The following PCNX2 variants were observed in gnomAD, a reference collection of about 807,000 sequenced individuals.
PCNX2 encodes the protein pecanex-like protein 2.
PCNX2 carries 168 observed loss-of-function variants against 223.8 expected under a neutral mutation model. That is an observed-to-expected ratio of 0.75 (90% CI 0.66 to 0.85). The LOEUF (loss-of-function observed/expected upper bound fraction) is 0.85, where lower values mean the gene tolerates loss of function less well. Among genes scored for constraint, PCNX2 ranks in the 40% least tolerant of loss-of-function variants. The probability of loss-of-function intolerance (pLI) is 0.00; values close to 1 mark genes in which losing one functional copy is unlikely to be tolerated. For missense variants in PCNX2, 2,507 were observed against 2,675.5 expected (o/e 0.94, Z 1.39); for synonymous variants, 1,006 against 1,052.6 (o/e 0.96, Z 0.86).
intron 32 of PCNX2, among the ~76,000 whole-genome samples, chr1:232,996,028 TTTG>T (rs1282899926): frequency 6.6e-6 from 1 of 152,000 alleles, no homozygotes; most frequent in Admixed American, 6.5e-5. Context: ...TGGCTAATTT[TTTG>T]TTGTATTTTT....
intron 8 of PCNX2, chr1:233,241,312 T>G: frequency 1.0e-6 from 1 of 985,408 alleles, no homozygotes; most frequent in Non-Finnish European, 1.2e-6. Context: ...AGAACCACAC[T>G]GAGCGGCAGG....
At chr1:233,122,073 T>TAA (rs1380060097) in intron 21 of PCNX2, among the ~76,000 whole-genome samples, 2 of 131,406 alleles carry the variant, frequency 1.5e-5, no homozygotes, top group African/African-American at 5.6e-5. Flanking sequence ...AGTTAGAAAG[T>TAA]ACACACACAC....
chr1:233,314,213 A>T, the PCNX2 span, among the ~76,000 whole-genome samples: 1 of 152,240 alleles, frequency 6.6e-6, no homozygotes, highest in Admixed American at 6.5e-5. Context: ...CTTTAAATTT[A>T]TATGATACAT....
At position 233,097,905 on chromosome 1, in the gene PCNX2, T is replaced by C. The variant is rs539376479; in HGVS notation, c.3838-2042A>G. ...CACATCAAGTGCCCAAGAGAAGACATGACTTCTGGGTTACCAACCAGGGCA... is the reference window on the plus strand; with the variant it reads ...CACATCAAGTGCCCAAGAGAAGACACGACTTCTGGGTTACCAACCAGGGCA... On this transcript the variant is annotated intron_variant, in intron 21 of 33. Coordinates refer to ENST00000258229, the MANE Select transcript of PCNX2 (RefSeq NM_014801.4). Among the ~76,000 whole-genome samples the C allele has an allele frequency of 2.6e-5, 4 of 152,298 alleles. No individual in the cohort carries two copies. The East Asian group carries it at 7.7e-4, about 29-fold the overall frequency.
Position 233,208,655 on chromosome 1 carries a change from AT to A in PCNX2, c.2725del (p.Ile909SerfsTer30), listed in dbSNP as rs1681628731. 1 of 1,613,710 alleles carries A rather than the reference AT, an allele frequency of 6.2e-7. No individual in the cohort carries two copies. Reference protein sequence around the residue: ...HNQIITYSRPIYFCVLCGLIL... With the variant: ...HNQIITYSRPXYFCVLCGLIL... The stretch of plus-strand genomic sequence containing the variant: ...AAGGCCACACAGCACACAAAAATAG[AT>A]TGGTCTGCTATATGTTATGATTTGG... On this transcript the variant is annotated frameshift_variant, in exon 13 of 34. Transcript: ENST00000258229. LOFTEE classifies it high-confidence loss of function.
intron 1 of PCNX2, 91 bp from the exon 2 acceptor site, chr1:233,263,254 A>C: frequency 9.4e-7 from 1 of 1,064,604 alleles, no homozygotes; most frequent in Non-Finnish European, 1.3e-6. Context: ...TATCTATTGA[A>C]TATAAATTAG....
intron 23 of PCNX2, among the ~76,000 whole-genome samples, chr1:233,080,411 CACACACACACACACACACAT>C (rs1673304561): frequency 6.6e-6 from 1 of 151,750 alleles, no homozygotes; most frequent in Non-Finnish European, 1.5e-5. Flanking sequence ...AACACACACA[CACACACACACACACACACAT>C]GCACGCATCT....
chr1:233,314,325 G>T, the PCNX2 span, among the ~76,000 whole-genome samples: 1 of 152,100 alleles, frequency 6.6e-6, no homozygotes, highest in Non-Finnish European at 1.5e-5. Context: ...CAAGAAAATG[G>T]ATGGCTGGGG....
At chr1:233,254,741 T>C (rs1024273941) in intron 5 of PCNX2, among the ~76,000 whole-genome samples, 9 of 151,522 alleles carry the variant, frequency 5.9e-5, no homozygotes, top group African/African-American at 2.2e-4. Flanking sequence ...ATAATGCAGG[T>C]ATGGTTTTAT....
At chr1:233,070,234 A>G (rs780254405) in intron 23 of PCNX2, among the ~76,000 whole-genome samples, 30 of 152,120 alleles carry the variant, frequency 2.0e-4, no homozygotes, top group Non-Finnish European at 4.0e-4. Flanking sequence ...AACTCCCCCC[A>G]AAATGAATCT....
rs368704434 is a variant in PCNX2, at chr1:233,236,910, C to T, written c.2293G>A (p.Val765Ile). 46 of 1,613,852 alleles carry T rather than the reference C, an allele frequency of 2.9e-5. No homozygotes were observed. The highest frequency in any genetic ancestry group is 1.3e-4 in the East Asian group (6 of 44,896). ...SQDPSSGDPA[V>I]SALQQQLLLM... Reference sequence around the variant, plus strand: ...AACAGCTGTTGCTGAAGGGCACTGACGGCAGGGTCCCCAGAAGACGGATCT... The same window carrying T: ...AACAGCTGTTGCTGAAGGGCACTGATGGCAGGGTCCCCAGAAGACGGATCT... Residue 765 changes from valine to isoleucine, a missense_variant, in exon 9 of 34, where the codon GTC becomes ATC. Coordinates refer to ENST00000258229, the MANE Select transcript of PCNX2 (RefSeq NM_014801.4).
At chr1:233,143,118 AG>A (rs1303130731) in intron 19 of PCNX2, among the ~76,000 whole-genome samples, 1 of 152,240 alleles carries the variant, frequency 6.6e-6, no homozygotes, top group Non-Finnish European at 1.5e-5. Flanking sequence ...GATGTCCCAA[AG>A]GAACTTTCAA....
In PCNX2 at chr1:233,025,369, G is replaced by C; in HGVS notation, c.4382C>G (p.Ala1461Gly). 1 of 1,613,968 alleles carries C rather than the reference G, an allele frequency of 6.2e-7. No homozygotes were observed. The highest frequency in any genetic ancestry group is 8.5e-7 in the Non-Finnish European group (1 of 1,179,864). The change falls in exon 26 of 34, where the codon GCC (alanine) becomes GGC (glycine). Residue 1461 changes from alanine to glycine, a missense_variant. Coordinates refer to ENST00000258229, the MANE Select transcript of PCNX2 (RefSeq NM_014801.4). ...GTYCQQREVEAIMEGDEEDRG... is the reference protein window; with the variant it reads ...GTYCQQREVEGIMEGDEEDRG... ...GTCCTCCTCGTCGCCCTCCATGATG[G>C]CTTCTACCTCCCTCTGCTGGCAGTA...
chr1:233,280,451 C>T (rs1346000475), intron 1 of PCNX2, among the ~76,000 whole-genome samples: 1 of 152,104 alleles, frequency 6.6e-6, no homozygotes, highest in Admixed American at 6.6e-5. Context: ...GCATGCGCCA[C>T]CATGCCCGGC....
At position 232,984,209 on chromosome 1, in the gene PCNX2, G is replaced by A. The variant is rs1669372796; in HGVS notation, c.*95C>T. On this transcript the variant is annotated 3_prime_UTR_variant, in exon 34 of 34. Transcript: ENST00000258229. ...CAGGAGGAGTCCCTCATGGATCGCGGTATTGGTTGGTTGTGGTGATTTGGG... is the reference window on the plus strand; with the variant it reads ...CAGGAGGAGTCCCTCATGGATCGCGATATTGGTTGGTTGTGGTGATTTGGG... 2.5e-6 allele frequency: 3 copies of A among 1,219,052 alleles called. No homozygotes were observed. Among genetic ancestry groups the A allele is most frequent in the East Asian group, 3.4e-5 (1 of 29,494 alleles). The allele number at this position is 1,219,052 out of a possible 1,614,324, so 75.5% of individuals were successfully genotyped here.
intron 21 of PCNX2, among the ~76,000 whole-genome samples, chr1:233,129,603 A>G (rs1436422191): frequency 1.3e-5 from 2 of 152,244 alleles, no homozygotes; most frequent in Non-Finnish European, 2.9e-5. Context: ...GGGGACTTGG[A>G]GAACCTTTAT....
Position 233,139,660 on chromosome 1 carries a change from C to A in PCNX2, c.3659+54G>T. 6.6e-7 allele frequency: 1 copy of A among 1,521,644 alleles called. No homozygotes were observed. The highest frequency in any genetic ancestry group is 8.9e-7 in the Non-Finnish European group (1 of 1,127,710). 94.3% of individuals were successfully genotyped at this position (1,521,644 alleles called of 1,614,324 possible). The stretch of plus-strand genomic sequence containing the variant: ...GCAGATTGTTTACAGAAAATTCACT[C>A]GATTTTGAAAATGTGACCCAAATCA... On this transcript the variant is annotated intron_variant, in intron 20 of 33. Transcript: ENST00000258229. This position sits in a 1 kb window ranked among gnomAD's most constrained non-coding sequence, Gnocchi z 4.4.
chr1:233,087,291 G>C (rs1336981872), intron 23 of PCNX2: 2 of 814,934 alleles, frequency 2.5e-6, no homozygotes, highest in Non-Finnish European at 1.5e-6. Flanking sequence ...CCAGGAGAGG[G>C]GACTGCTAGG....
chr1:233,031,063 G>A (rs893731969), intron 25 of PCNX2, among the ~76,000 whole-genome samples: 1 of 152,214 alleles, frequency 6.6e-6, no homozygotes, highest in Admixed American at 6.5e-5. Context: ...TGGGCAGAAA[G>A]TGGAGGCAGT....
Sources: allele counts gnomAD v4.1 joint callset (sites outside exome capture counted in the v4.1 genomes callset), GRCh38; gene constraint gnomAD v4.1.1; non-coding constraint Gnocchi (gnomAD v3.1); transcripts MANE v1.5; gene names NCBI Gene and HGNC (gene_info 2026-07-23, HGNC 2026-07-21).